Variants in DENND1A observed in about 807,000 individuals in gnomAD.
DENND1A encodes DENN domain-containing protein 1A.
In DENND1A, 51 loss-of-function variants were observed where a neutral mutation model predicts 113.7. The ratio of observed to expected loss-of-function variants is 0.45; its 90% CI spans 0.36 to 0.57. The LOEUF is 0.57. DENND1A is among the 20% of genes least tolerant of loss of function. The probability of loss-of-function intolerance (pLI) is 0.00; values close to 1 mark genes in which losing one functional copy is unlikely to be tolerated. For synonymous variants in DENND1A, 565 were observed against 570.8 expected, an observed-to-expected ratio of 0.99 and a Z score of 0.14; for missense variants, 1,258 against 1,395.9, an observed-to-expected ratio of 0.90 and a Z score of 1.57.
At chr9:123,595,372 G>C (rs1370553239) in intron 11 of DENND1A, among the ~76,000 whole-genome samples, 1 of 152,054 alleles carries the variant, frequency 6.6e-6, no homozygotes, top group African/African-American at 2.4e-5. Context: ...CACTCATTTG[G>C]TACATCACGT....
intron 13 of DENND1A, among the ~76,000 whole-genome samples, chr9:123,533,612 G>A (rs753526049): frequency 3.3e-5 from 5 of 152,198 alleles, no homozygotes; most frequent in Non-Finnish European, 5.9e-5. Context: ...GAACTGGAGG[G>A]AGAGAGTCTT....
chr9:123,380,659 G>A lies in DENND1A; in HGVS notation c.*773C>T, dbSNP rs944125914. The A allele has an allele frequency of 2.0e-5, 3 of 152,526 alleles. No homozygotes were observed. Among genetic ancestry groups the A allele is most frequent in the African/African-American group, 4.8e-5 (2 of 41,456 alleles). 9.4% of individuals were successfully genotyped at this position (152,526 alleles called of 1,614,324 possible). On this transcript the variant is annotated 3_prime_UTR_variant, in exon 24 of 24. Transcript: ENST00000394215. ...AGTACCTGGAGGTATCAGCGTGCCA[G>A]AGCTGGATGAGGGCTGGGGGCTCCT...
intron 8 of DENND1A, among the ~76,000 whole-genome samples, chr9:123,662,574 G>A (rs1227628053): frequency 1.3e-5 from 2 of 152,108 alleles, no homozygotes; most frequent in Non-Finnish European, 2.9e-5. Flanking sequence ...AAAAGAAGAA[G>A]AGAGTTATTT....
At chr9:123,523,089 T>C (rs939744479) in intron 13 of DENND1A, among the ~76,000 whole-genome samples, 1 of 152,208 alleles carries the variant, frequency 6.6e-6, no homozygotes, top group Admixed American at 6.5e-5. Flanking sequence ...GAGACCACAA[T>C]TGGTAACATA....
chr9:123,826,558 C>T (rs1839358150), intron 2 of DENND1A, among the ~76,000 whole-genome samples: 1 of 152,188 alleles, frequency 6.6e-6, no homozygotes, highest in Admixed American at 6.5e-5. Flanking sequence ...TTGTATCAAA[C>T]CATTCCTCAC....
intron 1 of DENND1A, among the ~76,000 whole-genome samples, chr9:123,885,780 T>C (rs1400474531): frequency 1.3e-5 from 2 of 152,168 alleles, no homozygotes; most frequent in African/African-American, 2.4e-5. Context: ...CTCAGGACCA[T>C]GTTCTTTTTT....
chr9:123,633,748 C>A (rs1018463084), intron 9 of DENND1A, among the ~76,000 whole-genome samples: 1 of 152,132 alleles, frequency 6.6e-6, no homozygotes, highest in Non-Finnish European at 1.5e-5. Flanking sequence ...TACACTCCAG[C>A]CTAGGCAACA....
intron 13 of DENND1A, among the ~76,000 whole-genome samples, chr9:123,505,476 A>C (rs896904188): frequency 6.6e-6 from 1 of 152,240 alleles, no homozygotes; most frequent in Non-Finnish European, 1.5e-5. Flanking sequence ...TCCCTACCAG[A>C]AGTCCTAACA....
intron 2 of DENND1A, among the ~76,000 whole-genome samples, chr9:123,853,595 C>G (rs888933697): frequency 2.0e-5 from 3 of 150,978 alleles, no homozygotes; most frequent in Admixed American, 1.3e-4. Context: ...ACCTGGGAGA[C>G]AGAGGTTGCA....
At chr9:123,546,274 C>G (rs995949417) in intron 13 of DENND1A, among the ~76,000 whole-genome samples, 1 of 151,994 alleles carries the variant, frequency 6.6e-6, no homozygotes, top group African/African-American at 2.4e-5. Context: ...ATTGGCCGGG[C>G]GAGGTGGCTC....
intron 10 of DENND1A, among the ~76,000 whole-genome samples, chr9:123,612,966 A>C (rs1275501390): frequency 1.3e-5 from 2 of 152,062 alleles, no homozygotes; most frequent in Non-Finnish European, 2.9e-5. Context: ...CCTATTACCC[A>C]CAGAATGGTT....
intron 13 of DENND1A, among the ~76,000 whole-genome samples, chr9:123,555,418 A>G (rs948003972): frequency 6.6e-6 from 1 of 151,816 alleles, no homozygotes; most frequent in African/African-American, 2.4e-5. Context: ...CCATCTCCCC[A>G]CCCAATTGCT....
intron 9 of DENND1A, among the ~76,000 whole-genome samples, chr9:123,648,816 C>T (rs1044043357): frequency 2.6e-5 from 4 of 152,070 alleles, no homozygotes; most frequent in Non-Finnish European, 5.9e-5. Context: ...TGTGTGTGTA[C>T]AATAGAAACG....
chr9:123,584,935 C>T (rs2136837596), intron 11 of DENND1A, among the ~76,000 whole-genome samples: 1 of 152,338 alleles, frequency 6.6e-6, no homozygotes, highest in South Asian at 2.1e-4. Flanking sequence ...TCCCTGACAA[C>T]ATGACTGGCA....
chr9:123,891,579 C>G (rs79379583), intron 1 of DENND1A, among the ~76,000 whole-genome samples: 5,804 of 152,306 alleles, frequency 0.038, 116 homozygotes, highest in Middle Eastern at 0.048. Context: ...CAAGATGGCA[C>G]ACAACCTAGA....
chr9:123,730,610 A>G (rs1280626714), intron 5 of DENND1A, among the ~76,000 whole-genome samples: 1 of 152,168 alleles, frequency 6.6e-6, no homozygotes, highest in Non-Finnish European at 1.5e-5. Context: ...GAAACAACAG[A>G]TGCAGGAGAG....
chr9:123,704,939 G>C (rs991890388), intron 5 of DENND1A, among the ~76,000 whole-genome samples: 1 of 151,968 alleles, frequency 6.6e-6, no homozygotes, highest in African/African-American at 2.4e-5. Context: ...ACATGAAAGA[G>C]AGTGAAAAAG....
At chr9:123,501,993 A>C (rs527505495) in intron 13 of DENND1A, among the ~76,000 whole-genome samples, 10 of 152,172 alleles carry the variant, frequency 6.6e-5, no homozygotes, top group African/African-American at 1.7e-4. Flanking sequence ...ATATATATAT[A>C]TCTCTCCTAT....
In DENND1A at chr9:123,513,489, T is replaced by G. The variant is rs145585874; in HGVS notation, c.993+44081A>C. ...AGTGCTATCCTTTAATTTTCTCAGT[T>G]GAGATCGGCACATCTTTCCCTGGTT... On this transcript the variant is annotated intron_variant, in intron 13 of 23. Transcript: ENST00000394215. 4.4e-3 allele frequency among the ~76,000 whole-genome samples: 671 copies of G among 152,344 alleles called. 4 individuals are homozygous for G. Among genetic ancestry groups the G allele is most frequent in the African/African-American group, 0.015 (638 of 41,574 alleles).
Sources: allele counts gnomAD v4.1 joint callset (sites outside exome capture counted in the v4.1 genomes callset), GRCh38; gene constraint gnomAD v4.1.1; transcripts MANE v1.5; gene names NCBI Gene and HGNC (gene_info 2026-07-23, HGNC 2026-07-21).